The following EXT1 variants were observed in gnomAD, a reference collection of about 807,000 sequenced individuals.
EXT1 encodes exostosin-1.
In EXT1, 20 loss-of-function variants were observed where a neutral mutation model predicts 82.5. The ratio of observed to expected loss-of-function variants is 0.24; its 90% confidence interval spans 0.17 to 0.35. The LOEUF (loss-of-function observed/expected upper bound fraction) is 0.35. EXT1 is among the 10% of genes least tolerant of loss of function. The pLI is 1.00. For synonymous variants in EXT1, 348 were observed against 350.8 expected, an observed-to-expected ratio of 0.99 and a Z score of 0.09; for missense variants, 757 against 936.5, an observed-to-expected ratio of 0.81 and a Z score of 2.50.
intron 1 of EXT1, among the ~76,000 whole-genome samples, chr8:117,964,500 C>T (rs935355559): frequency 1.3e-5 from 2 of 152,198 alleles, no homozygotes; most frequent in Non-Finnish European, 2.9e-5. Context: ...TTTAATTCTT[C>T]TTTCCAAGTA....
In EXT1 at chr8:117,807,293, T is replaced by TA. The variant is rs1823253516; in HGVS notation, c.1806dup (p.Lys603Ter). On this transcript the variant is annotated frameshift_variant, in exon 9 of 11. Coordinates refer to ENST00000378204, the MANE Select transcript of EXT1 (RefSeq NM_000127.3). LOFTEE classifies it high-confidence loss of function. ...TTTGATGTGTATCCCCACCGCTCCT[T>TA]AGAGTTATCCCAGAAGTGGCTGCGC... The TA allele has an allele frequency of 6.2e-7, 1 of 1,614,160 alleles. No homozygotes were observed. Among genetic ancestry groups the TA allele is most frequent in the East Asian group, 2.2e-5 (1 of 44,882 alleles).
chr8:117,811,257 G>A (rs1206287974), intron 8 of EXT1, among the ~76,000 whole-genome samples: 1 of 152,158 alleles, frequency 6.6e-6, no homozygotes, highest in African/African-American at 2.4e-5. Flanking sequence ...ATAAATACTT[G>A]TTGAATGAAT....
In EXT1 at chr8:117,908,008, C is replaced by T. The variant is rs767399231; in HGVS notation, c.963-70807G>A. On this transcript the variant is annotated intron_variant, in intron 1 of 10. Transcript: ENST00000378204. ...AAAATTAAAGGGCAATCGTAAACATCGGATACATTTCTATTTCTTAAATAG... is the reference window on the plus strand; with the variant it reads ...AAAATTAAAGGGCAATCGTAAACATTGGATACATTTCTATTTCTTAAATAG... Among the ~76,000 whole-genome samples the T allele has an allele frequency of 3.9e-5, 6 of 152,306 alleles. No individual in the cohort carries two copies. In the East Asian group the frequency reaches 9.6e-4, roughly 24 times the overall value.
At chr8:117,919,252 C>T (rs1291224960) in intron 1 of EXT1, among the ~76,000 whole-genome samples, 1 of 151,344 alleles carries the variant, frequency 6.6e-6, no homozygotes, top group Admixed American at 6.6e-5. Flanking sequence ...GTGGTGTGAT[C>T]ACATCCCACT....
intron 1 of EXT1, among the ~76,000 whole-genome samples, chr8:117,897,981 T>C (rs1241871178): frequency 6.6e-6 from 1 of 152,176 alleles, no homozygotes; most frequent in Non-Finnish European, 1.5e-5. Flanking sequence ...TTATTGAACA[T>C]AAGGCATGGC....
chr8:118,044,470 C>T (rs1262985997), intron 1 of EXT1, among the ~76,000 whole-genome samples: 2 of 151,850 alleles, frequency 1.3e-5, no homozygotes, highest in Admixed American at 6.6e-5. Flanking sequence ...TGCAATGGCA[C>T]GATCATAGCT....
At chr8:118,054,465 C>T (rs763038972) in intron 1 of EXT1, among the ~76,000 whole-genome samples, 34 of 152,232 alleles carry the variant, frequency 2.2e-4, no homozygotes, top group Non-Finnish European at 4.6e-4. Context: ...GGAATCTGAA[C>T]TTCCAGTTTT....
intron 1 of EXT1, among the ~76,000 whole-genome samples, chr8:117,899,884 G>A (rs1227765676): frequency 1.3e-5 from 2 of 152,278 alleles, no homozygotes; most frequent in East Asian, 1.9e-4. Flanking sequence ...ATCTTACCGT[G>A]TGCTCATAAG....
At chr8:118,016,728 A>G (rs1263618431) in intron 1 of EXT1, among the ~76,000 whole-genome samples, 1 of 152,216 alleles carries the variant, frequency 6.6e-6, no homozygotes, top group Non-Finnish European at 1.5e-5. Context: ...GAAGCATGAA[A>G]CTGCTCCCAG....
At chr8:117,954,370 T>C (rs1421865762) in intron 1 of EXT1, among the ~76,000 whole-genome samples, 2 of 152,168 alleles carry the variant, frequency 1.3e-5, no homozygotes, top group Non-Finnish European at 2.9e-5. Context: ...TCTGATGTGA[T>C]GTCTACAGCT....
At chr8:118,093,779 C>G (rs928126623) in intron 1 of EXT1, among the ~76,000 whole-genome samples, 2 of 152,210 alleles carry the variant, frequency 1.3e-5, no homozygotes, top group African/African-American at 4.8e-5. Context: ...GCTAGAATTT[C>G]TTCTCTAAGT....
chr8:118,074,797 G>A (rs1817175452), intron 1 of EXT1, among the ~76,000 whole-genome samples: 1 of 152,148 alleles, frequency 6.6e-6, no homozygotes, highest in Non-Finnish European at 1.5e-5. Context: ...CTAATGGAAA[G>A]CATATAAATC....
intron 1 of EXT1, among the ~76,000 whole-genome samples, chr8:117,966,125 T>C (rs1814805096): frequency 6.6e-6 from 1 of 152,104 alleles, no homozygotes; most frequent in Admixed American, 6.6e-5. Flanking sequence ...AAAAATATAA[T>C]AATCCAATAT....
At chr8:118,075,741 T>G (rs1245383487) in intron 1 of EXT1, among the ~76,000 whole-genome samples, 1 of 151,940 alleles carries the variant, frequency 6.6e-6, no homozygotes, top group African/African-American at 2.4e-5. Flanking sequence ...TCAGGAAGCT[T>G]AAGTCAAGGC....
At chr8:117,995,363 C>A (rs765325869) in intron 1 of EXT1, among the ~76,000 whole-genome samples, 10 of 152,162 alleles carry the variant, frequency 6.6e-5, no homozygotes, top group Non-Finnish European at 1.3e-4. Flanking sequence ...TAATCCAATC[C>A]AGGATTCCTG....
chr8:117,856,428 T>G (rs1812560992), intron 1 of EXT1, among the ~76,000 whole-genome samples: 2 of 144,118 alleles, frequency 1.4e-5, no homozygotes, highest in Non-Finnish European at 3.0e-5. Flanking sequence ...CTAAATTTTT[T>G]TTTTTTTTTT....
rs201230140 is a variant in EXT1, at chr8:117,799,754, G to C, written c.2199C>G (p.Val733=). 1.2e-6 allele frequency: 2 copies of C among 1,614,114 alleles called. No individual in the cohort carries two copies. Among genetic ancestry groups the C allele is most frequent in the East Asian group, 4.5e-5 (2 of 44,876 alleles). ...RLDPVLFKDQ[V]SILRKKYRDI... ...CTCGGTATTTCTTCCTCAAAATAGA[G>C]ACCTGGTCTTTAAAGAGGACGGGGT... is the stretch of plus-strand genomic sequence containing the variant. Residue 733 remains valine (V), a synonymous_variant, in exon 11 of 11, where the codon GTC becomes GTG. Transcript: ENST00000378204.
chr8:117,998,858 T>C (rs1815602037), intron 1 of EXT1, among the ~76,000 whole-genome samples: 1 of 152,198 alleles, frequency 6.6e-6, no homozygotes, highest in Admixed American at 6.5e-5. Context: ...TCAGCTCAAT[T>C]ACTCCCTAAC....
chr8:118,071,640 G>A (rs1461235857), intron 1 of EXT1, among the ~76,000 whole-genome samples: 1 of 151,970 alleles, frequency 6.6e-6, no homozygotes, highest in Non-Finnish European at 1.5e-5. Flanking sequence ...CTTGCTACAG[G>A]AATTCTTCAG....
Sources: allele counts gnomAD v4.1 joint callset (sites outside exome capture counted in the v4.1 genomes callset), GRCh38; gene constraint gnomAD v4.1.1; transcripts MANE v1.5; gene names NCBI Gene and HGNC (gene_info 2026-07-23, HGNC 2026-07-21).